Variants in MDGA2 observed in about 807,000 individuals in gnomAD.
MDGA2 encodes MAM domain containing glycosylphosphatidylinositol anchor 2.
A neutral mutation model predicts 117.8 loss-of-function variants in MDGA2; 40 were observed. The ratio of observed to expected loss-of-function variants is 0.34; its 90% CI spans 0.26 to 0.44. MDGA2 has a LOEUF of 0.44. Among genes scored for constraint, MDGA2 ranks in the 20% least tolerant of loss-of-function variants. The probability of loss-of-function intolerance (pLI) is 1.00; values close to 1 mark genes in which losing one functional copy is unlikely to be tolerated. For synonymous variants in MDGA2, 452 were observed against 439.0 expected, an observed-to-expected ratio of 1.03 and a Z score of -0.37; for missense variants, 1,123 against 1,250.6, an observed-to-expected ratio of 0.90 and a Z score of 1.54.
At chr14:47,226,121 T>C (rs1886489024) in intron 2 of MDGA2, among the ~76,000 whole-genome samples, 1 of 151,210 alleles carries the variant, frequency 6.6e-6, no homozygotes, top group Non-Finnish European at 1.5e-5. Context: ...GAGACCCCTA[T>C]CTCTACAAAA....
intron 2 of MDGA2, among the ~76,000 whole-genome samples, chr14:47,230,368 G>C (rs1886647532): frequency 6.6e-6 from 1 of 151,858 alleles, no homozygotes. Context: ...TATTCTAGCA[G>C]GTAAATTTAG....
chr14:47,624,078 T>C (rs1594949122), intron 1 of MDGA2, among the ~76,000 whole-genome samples: 1 of 152,232 alleles, frequency 6.6e-6, no homozygotes, highest in Admixed American at 6.5e-5. Context: ...CCCATATAAG[T>C]ATTGTTTTAA....
At chr14:47,097,801 C>T (rs1880064659) in intron 5 of MDGA2, among the ~76,000 whole-genome samples, 1 of 152,004 alleles carries the variant, frequency 6.6e-6, no homozygotes, top group Admixed American at 6.6e-5. Flanking sequence ...AAACAGCCAC[C>T]AAACCATGCT....
rs577545609 is a variant in MDGA2 at position 47,536,607 on chromosome 14, T to C, written c.280+137910A>G. Among the ~76,000 whole-genome samples the C allele has an allele frequency of 1.1e-4, 17 of 152,274 alleles. No homozygotes were observed. In the East Asian group the frequency reaches 3.3e-3, roughly 29 times the overall value. ...TAAGTACCAGAATATATTTATACCG[T>C]TGTAAGAAATAATTGGGAGTTTGTA... On this transcript the variant is annotated intron_variant, in intron 1 of 16. Transcript: ENST00000399232.
chr14:47,214,031 C>G (rs1183549694), intron 3 of MDGA2, among the ~76,000 whole-genome samples: 1 of 152,170 alleles, frequency 6.6e-6, no homozygotes, highest in East Asian at 1.9e-4. Context: ...TAAAGAGTCC[C>G]TCATAAAACC....
chr14:47,409,603 G>T (rs1414751320), intron 1 of MDGA2, among the ~76,000 whole-genome samples: 1 of 152,180 alleles, frequency 6.6e-6, no homozygotes, highest in Non-Finnish European at 1.5e-5. Context: ...TGTAGGTACA[G>T]TTCAGTTTTC....
chr14:46,971,921 G>C (rs897673345), intron 8 of MDGA2, among the ~76,000 whole-genome samples: 2 of 152,024 alleles, frequency 1.3e-5, no homozygotes, highest in African/African-American at 4.8e-5. Context: ...AGTATTTTTG[G>C]AACACTGTTG....
intron 7 of MDGA2, among the ~76,000 whole-genome samples, chr14:47,043,681 C>T (rs1031509053): frequency 6.6e-6 from 1 of 152,084 alleles, no homozygotes; most frequent in African/African-American, 2.4e-5. Context: ...TGCTTGTTTT[C>T]CATCTTATTT....
At chr14:47,450,349 G>A (rs1253583645) in intron 1 of MDGA2, among the ~76,000 whole-genome samples, 1 of 151,890 alleles carries the variant, frequency 6.6e-6, no homozygotes, top group East Asian at 1.9e-4. Flanking sequence ...AAAGCAATCA[G>A]AAGAAAGGTA....
chr14:47,031,706 G>A (rs552475002), intron 8 of MDGA2, among the ~76,000 whole-genome samples: 61 of 152,256 alleles, frequency 4.0e-4, no homozygotes, highest in African/African-American at 1.4e-3. Context: ...TCTCATGAAT[G>A]GGTTAAGCAC....
chr14:47,111,153 T>C (rs530262201), intron 5 of MDGA2, among the ~76,000 whole-genome samples: 3 of 152,268 alleles, frequency 2.0e-5, no homozygotes, highest in African/African-American at 7.2e-5. Flanking sequence ...AGGTAGGTAC[T>C]ATTATTACTT....
intron 1 of MDGA2, among the ~76,000 whole-genome samples, chr14:47,509,866 C>A (rs867853139): frequency 6.6e-6 from 1 of 152,120 alleles, no homozygotes; most frequent in Non-Finnish European, 1.5e-5. Flanking sequence ...AGGGATGAAT[C>A]GTACCTTGAG....
intron 1 of MDGA2, among the ~76,000 whole-genome samples, chr14:47,540,518 A>ATGTGTG (rs1374889978): frequency 3.3e-5 from 2 of 61,240 alleles, no homozygotes; most frequent in South Asian, 8.7e-4. Context: ...ATGTATATGT[A>ATGTGTG]TATGTGTGTG....
intron 9 of MDGA2, among the ~76,000 whole-genome samples, chr14:46,953,451 G>C (rs1381512755): frequency 6.6e-6 from 1 of 151,752 alleles, no homozygotes; most frequent in Admixed American, 6.6e-5. Flanking sequence ...AGTTAGAAGG[G>C]CATTCTACTT....
chr14:47,087,313 G>A (rs1014819124), intron 6 of MDGA2, among the ~76,000 whole-genome samples: 1 of 151,530 alleles, frequency 6.6e-6, no homozygotes, highest in Admixed American at 6.6e-5. Flanking sequence ...TCAGGTGTTC[G>A]AGACCAGCCT....
chr14:47,025,636 G>A (rs1026643601), intron 8 of MDGA2, among the ~76,000 whole-genome samples: 1 of 150,576 alleles, frequency 6.6e-6, no homozygotes, highest in African/African-American at 2.4e-5. Flanking sequence ...CATATTACTG[G>A]AATCTAAAGA....
At chr14:47,405,473 T>G (rs1312306038) in intron 1 of MDGA2, among the ~76,000 whole-genome samples, 1 of 152,184 alleles carries the variant, frequency 6.6e-6, no homozygotes, top group East Asian at 1.9e-4. Flanking sequence ...ATCTTTTATG[T>G]TTTGCCTGTT....
intron 1 of MDGA2, among the ~76,000 whole-genome samples, chr14:47,348,099 G>A (rs1890797011): frequency 6.6e-6 from 1 of 151,642 alleles, no homozygotes; most frequent in Non-Finnish European, 1.5e-5. Flanking sequence ...AGTAGCTGGA[G>A]GAATACTTAG....
intron 3 of MDGA2, among the ~76,000 whole-genome samples, chr14:47,206,548 T>G (rs1885691098): frequency 6.6e-6 from 1 of 151,830 alleles, no homozygotes; most frequent in Non-Finnish European, 1.5e-5. Flanking sequence ...TTAGGATCAC[T>G]CCACTGCACT....
Sources: gnomAD v4.1 joint callset for allele counts (sites outside exome capture counted in the v4.1 genomes callset) on GRCh38, gnomAD v4.1.1 for gene constraint, MANE v1.5 for transcripts, NCBI Gene and HGNC (gene_info 2026-07-23, HGNC 2026-07-21) for gene names.